Variants in DNAAF4 observed in about 807,000 individuals in gnomAD.
DNAAF4 encodes the protein dynein assembly factor 4, axonemal.
In DNAAF4, 43 loss-of-function variants were observed where a neutral mutation model predicts 51.8. The ratio of observed to expected loss-of-function variants is 0.83; its 90% CI spans 0.65 to 1.07. The LOEUF (loss-of-function observed/expected upper bound fraction) is 1.07. DNAAF4 is among the 50% of genes least tolerant of loss of function. DNAAF4 has a pLI of 0.00. For synonymous variants in DNAAF4, 194 were observed against 165.6 expected (o/e 1.17, Z -1.32); for missense variants, 581 against 493.0 (o/e 1.18, Z -1.69).
At chr15:55,490,790 A>T (rs2058560236) in intron 4 of DNAAF4, among the ~76,000 whole-genome samples, 1 of 152,102 alleles carries the variant, frequency 6.6e-6, no homozygotes, top group South Asian at 2.1e-4. Flanking sequence ...TGTCTCTACT[A>T]AAAACACAAA....
At chr15:55,456,251 T>A (rs1411521679) in intron 5 of DNAAF4, among the ~76,000 whole-genome samples, 1 of 151,790 alleles carries the variant, frequency 6.6e-6, no homozygotes, top group Non-Finnish European at 1.5e-5. Context: ...TCCGGCTAGT[T>A]TTGTATTTTT....
intron 6 of DNAAF4, chr15:55,443,223 C>T: frequency 6.2e-7 from 1 of 1,608,880 alleles, no homozygotes; most frequent in South Asian, 1.1e-5. Flanking sequence ...CAGAATAGTC[C>T]TTAAGAATGA....
chr15:55,498,252 C>G lies in DNAAF4; in HGVS notation c.78G>C (p.Val26=), dbSNP rs776890897. 1.2e-6 allele frequency: 2 copies of G among 1,613,836 alleles called. No homozygotes were observed. The highest frequency in any genetic ancestry group is 1.3e-5 in the African/African-American group (1 of 74,932). The change falls in exon 2 of 10, where the codon GTG becomes GTC. Residue 26 remains valine (V), a synonymous_variant. Coordinates refer to ENST00000321149, the MANE Select transcript of DNAAF4 (RefSeq NM_130810.4). ...AGAACACGTCCGTGTCTCTGACGCA[C>G]ACGCCTTTGAGGGGCAGAGACAGAA... ...AVFLSLPLKG[V]CVRDTDVFCT...
intron 7 of DNAAF4, among the ~76,000 whole-genome samples, chr15:55,423,385 A>G (rs1360985603): frequency 6.6e-6 from 1 of 151,520 alleles, no homozygotes; most frequent in Non-Finnish European, 1.5e-5. Flanking sequence ...CTTTTTTTCT[A>G]TTTTTTGTAG....
chr15:55,486,788 A>G (rs1314878991), intron 4 of DNAAF4, among the ~76,000 whole-genome samples: 1 of 152,106 alleles, frequency 6.6e-6, no homozygotes, highest in African/African-American at 2.4e-5. Context: ...AAAAAAAAAA[A>G]AAGTTTATTT....
intron 1 of DNAAF4, among the ~76,000 whole-genome samples, chr15:55,500,456 G>T (rs1395428844): frequency 2.6e-5 from 4 of 152,098 alleles, no homozygotes; most frequent in Non-Finnish European, 5.9e-5. Context: ...TCTAAAGACA[G>T]GGTTTATGCA....
At chr15:55,448,518 GGGTGTGT>G (rs2057876088) in intron 6 of DNAAF4, among the ~76,000 whole-genome samples, 1 of 24,128 alleles carries the variant, frequency 4.1e-5, no homozygotes, top group Non-Finnish European at 6.4e-5. Flanking sequence ...AAAAAAAAAA[GGGTGTGT>G]GTGTGTGTGT....
At chr15:55,419,209 C>G (rs1181716013) in intron 7 of DNAAF4, among the ~76,000 whole-genome samples, 1 of 152,076 alleles carries the variant, frequency 6.6e-6, no homozygotes, top group Non-Finnish European at 1.5e-5. Flanking sequence ...AGTCACTGTG[C>G]CCAGCCAACA....
chr15:55,448,913 A>G (rs900276225), intron 6 of DNAAF4, among the ~76,000 whole-genome samples: 2 of 151,472 alleles, frequency 1.3e-5, no homozygotes, highest in Non-Finnish European at 2.9e-5. Flanking sequence ...CTGTATAATT[A>G]TAGAAATGTT....
intron 6 of DNAAF4, among the ~76,000 whole-genome samples, chr15:55,445,674 G>A (rs1211864003): frequency 6.7e-6 from 1 of 148,788 alleles, no homozygotes; most frequent in Non-Finnish European, 1.5e-5. Flanking sequence ...GCCAGGCAGA[G>A]GCGCTCCTCA....
chr15:55,431,154 C>A (rs1268224690), intron 9 of DNAAF4, among the ~76,000 whole-genome samples: 1 of 152,066 alleles, frequency 6.6e-6, no homozygotes, highest in South Asian at 2.1e-4. Context: ...ACCTCATGAT[C>A]CACCCACCTT....
At chr15:55,450,115 G>C in intron 6 of DNAAF4, 107 bp downstream of exon 6, 7 of 1,200,360 alleles carry the variant, frequency 5.8e-6, no homozygotes, top group South Asian at 1.9e-5. Context: ...TATTTCTTTA[G>C]TGTAATAAAT....
chr15:55,483,165 C>A (rs138411733), intron 4 of DNAAF4, among the ~76,000 whole-genome samples: 3 of 152,056 alleles, frequency 2.0e-5, no homozygotes, highest in Non-Finnish European at 4.4e-5. Context: ...GGCTCAATCT[C>A]GGCTCAATGC....
chr15:55,486,158 C>T (rs1327249164), intron 4 of DNAAF4, among the ~76,000 whole-genome samples: 1 of 150,692 alleles, frequency 6.6e-6, no homozygotes, highest in Non-Finnish European at 1.5e-5. Flanking sequence ...ATGACCCTGC[C>T]TCGTTTTTCT....
chr15:55,475,478 T>C (rs1157816252), intron 4 of DNAAF4, among the ~76,000 whole-genome samples: 2 of 152,156 alleles, frequency 1.3e-5, no homozygotes, highest in Non-Finnish European at 2.9e-5. Flanking sequence ...CCTGGCAATT[T>C]TACTGGCTGA....
In DNAAF4 at chr15:55,498,359, C is replaced by A. The variant is rs1357725213; in HGVS notation, c.-30G>T. 1 of 1,589,252 alleles carries A rather than the reference C, an allele frequency of 6.3e-7. No individual in the cohort carries two copies. The highest frequency in any genetic ancestry group is 1.7e-5 in the Admixed American group (1 of 57,476). On this transcript the variant is annotated 5_prime_UTR_variant, in exon 2 of 10. Coordinates refer to ENST00000321149, the MANE Select transcript of DNAAF4 (RefSeq NM_130810.4). ...GTAGCAACGGGAGCGGATAGCGCGG[C>A]TGGTTGCTTCTTGCGCCTGCTTGGT...
chr15:55,477,148 G>C (rs1330069094), intron 4 of DNAAF4, among the ~76,000 whole-genome samples: 1 of 151,736 alleles, frequency 6.6e-6, no homozygotes, highest in East Asian at 1.9e-4. Context: ...CTCCAGCCTG[G>C]GCAACAGAAT....
intron 4 of DNAAF4, among the ~76,000 whole-genome samples, chr15:55,481,537 C>T (rs1305784410): frequency 1.3e-5 from 2 of 152,222 alleles, no homozygotes; most frequent in Non-Finnish European, 2.9e-5. Flanking sequence ...CTAGCCAGTT[C>T]CAGGTGACGA....
chr15:55,477,046 C>T lies in DNAAF4; in HGVS notation c.406-9885G>A, dbSNP rs555300368. Among the ~76,000 whole-genome samples, 5 of 152,206 alleles carry T rather than the reference C, an allele frequency of 3.3e-5. No individual in the cohort carries two copies. In the South Asian group the frequency reaches 1.0e-3, roughly 32 times the overall value. ...AATTAGCCGGGCGTGGTGGCATACG[C>T]CTGTAATCCCAGCTACTCAGGAGGC... On this transcript the variant is annotated intron_variant, in intron 4 of 9. Coordinates refer to ENST00000321149, the MANE Select transcript of DNAAF4 (RefSeq NM_130810.4).
Sources: allele counts gnomAD v4.1 joint callset (sites outside exome capture counted in the v4.1 genomes callset), GRCh38; gene constraint gnomAD v4.1.1; transcripts MANE v1.5; gene names NCBI Gene and HGNC (gene_info 2026-07-23, HGNC 2026-07-21).